YWHAE: variants seen among roughly 807,000 people sequenced by gnomAD.
YWHAE encodes tyrosine 3-monooxygenase/tryptophan 5-monooxygenase activation protein epsilon, also known as 14-3-3 protein epsilon.
YWHAE carries 4 observed loss-of-function variants against 30.1 expected under a neutral mutation model. That is an observed-to-expected ratio of 0.13 (90% CI 0.07 to 0.30). YWHAE has a LOEUF of 0.30. Ranked by LOEUF, YWHAE falls within the 10% of genes least tolerant of loss-of-function variation. The pLI is 1.00. For synonymous variants in YWHAE, 118 were observed against 111.8 expected (o/e 1.06, Z -0.35); for missense variants, 121 against 315.9 (o/e 0.38, Z 4.68).
At position 1,344,315 on chromosome 17, in the gene YWHAE, T is replaced by C. The variant is rs1250766298; in HGVS notation, c.*1132A>G. 6.2e-6 allele frequency: 1 copy of C among 162,110 alleles called. No homozygotes were observed. Among genetic ancestry groups the C allele is most frequent in the South Asian group, 2.0e-4 (1 of 4,904 alleles). The allele number at this position is 162,110 out of a possible 1,614,324, so 10.0% of individuals were successfully genotyped here. A position where few individuals can be genotyped will look rare whatever the true frequency, so the allele number is the denominator to read the frequency against. Reference sequence around the variant, plus strand: ...ACTTTAATGATTAAAATAAATACCATGTTGCTGCCTGGTCTGGAGGACAAG... The same window carrying C: ...ACTTTAATGATTAAAATAAATACCACGTTGCTGCCTGGTCTGGAGGACAAG... On this transcript the variant is annotated 3_prime_UTR_variant, in exon 6 of 6. Transcript: ENST00000264335.
At position 1,345,206 on chromosome 17, in the gene YWHAE, T is replaced by TA. The variant is rs1411242276; in HGVS notation, c.*240dup. The TA allele has an allele frequency of 5.4e-6, 3 of 560,168 alleles. No homozygotes were observed. The Admixed American group carries it at 1.0e-4, about 19-fold the overall frequency. 34.7% of individuals were successfully genotyped at this position (560,168 alleles called of 1,614,324 possible). A position where few individuals can be genotyped will look rare whatever the true frequency, so the allele number is the denominator to read the frequency against. On this transcript the variant is annotated 3_prime_UTR_variant, in exon 6 of 6. Coordinates refer to ENST00000264335, the MANE Select transcript of YWHAE (RefSeq NM_006761.5). ...TGAAAAAGCCTCTATGTAGTCCTGT[T>TA]AGTGTCTTAAAGAACCTAAAAGCTG... is the stretch of plus-strand genomic sequence containing the variant.
At chr17:1,386,154 AGAT>A (rs1170213647) in intron 1 of YWHAE, among the ~76,000 whole-genome samples, 3 of 152,212 alleles carry the variant, frequency 2.0e-5, no homozygotes, top group African/African-American at 7.2e-5. Context: ...AATAAACAGT[AGAT>A]GATATTATTA....
chr17:1,366,526 C>T (rs1459419662), intron 1 of YWHAE, among the ~76,000 whole-genome samples: 1 of 152,010 alleles, frequency 6.6e-6, no homozygotes, highest in African/African-American at 2.4e-5. Context: ...AGAGCAGACT[C>T]CATCTCAAAA....
In YWHAE at chr17:1,345,531, G is replaced by C. The variant is rs372484695; in HGVS notation, c.716-32C>G. 4.4e-6 allele frequency: 7 copies of C among 1,605,254 alleles called. No homozygotes were observed. In the African/African-American group the frequency reaches 9.4e-5, roughly 21 times the overall value. On this transcript the variant is annotated intron_variant, in intron 5 of 5. Transcript: ENST00000264335. ...AAAAAGAAAAAAAGTCAATTATTTC[G>C]TATTGACTACATTAGGCTATGGCAG...
Position 1,365,089 on chromosome 17 carries a change from C to A in YWHAE, c.65-31G>T, listed in dbSNP as rs370374357. 6 of 1,598,168 alleles carry A rather than the reference C, an allele frequency of 3.8e-6. No homozygotes were observed. The African/African-American group carries it at 6.8e-5, about 18-fold the overall frequency. On this transcript the variant is annotated intron_variant, in intron 1 of 5. Coordinates refer to ENST00000264335, the MANE Select transcript of YWHAE (RefSeq NM_006761.5). The stretch of plus-strand genomic sequence containing the variant: ...TGGGAAAAGGAAAAGTCAGACCTTA[C>A]AAATTTGAAGTTTTCTTAACATATT...
At chr17:1,393,299 T>G (rs2073416642) in intron 1 of YWHAE, among the ~76,000 whole-genome samples, 2 of 150,226 alleles carry the variant, frequency 1.3e-5, no homozygotes, top group Non-Finnish European at 1.5e-5. Context: ...ACAGCCTGGG[T>G]GACCAAGTGA....
chr17:1,361,073 G>A lies in YWHAE; in HGVS notation c.578+19C>T. 6.2e-7 allele frequency: 1 copy of A among 1,610,948 alleles called. No individual in the cohort carries two copies. Among genetic ancestry groups the A allele is most frequent in the Non-Finnish European group, 8.5e-7 (1 of 1,177,154 alleles). ...CTTAACTTTCACGCTGAGCGCTGCT[G>A]TTCTTCCCCACAACTTACCTGCAGG... On this transcript the variant is annotated intron_variant, in intron 4 of 5. Coordinates refer to ENST00000264335, the MANE Select transcript of YWHAE (RefSeq NM_006761.5).
intron 5 of YWHAE, among the ~76,000 whole-genome samples, chr17:1,348,311 T>C (rs1350210016): frequency 6.6e-6 from 1 of 152,182 alleles, no homozygotes; most frequent in Non-Finnish European, 1.5e-5. Context: ...AACATGTATT[T>C]CCTACCTATG....
intron 1 of YWHAE, among the ~76,000 whole-genome samples, chr17:1,387,060 CAAG>C (rs1212628295): frequency 6.6e-6 from 1 of 152,006 alleles, no homozygotes; most frequent in Non-Finnish European, 1.5e-5. Flanking sequence ...GAAACAAAAA[CAAG>C]ACAATCTTTT....
chr17:1,392,677 C>CT (rs1235118225), intron 1 of YWHAE, among the ~76,000 whole-genome samples: 1 of 151,924 alleles, frequency 6.6e-6, no homozygotes, highest in African/African-American at 2.4e-5. Context: ...TGGTGAAACT[C>CT]TGTCTCTACT....
intron 5 of YWHAE, among the ~76,000 whole-genome samples, chr17:1,351,358 A>G (rs2072628414): frequency 6.6e-6 from 1 of 151,814 alleles, no homozygotes; most frequent in East Asian, 1.9e-4. Flanking sequence ...AGCCTGGGTA[A>G]CAAGAGCAAA....
At chr17:1,361,864 T>A (rs2072869787) in intron 3 of YWHAE, 38 bp downstream of exon 3, 1 of 1,438,166 alleles carries the variant, frequency 7.0e-7, no homozygotes, top group African/African-American at 1.4e-5. Flanking sequence ...AAGGACCAAC[T>A]TTCAATCTTA....
intron 1 of YWHAE, among the ~76,000 whole-genome samples, chr17:1,394,896 G>C (rs972175466): frequency 6.6e-6 from 1 of 151,698 alleles, no homozygotes; most frequent in African/African-American, 2.4e-5. Context: ...GAACCCAGGG[G>C]GCAGAGGCTG....
At position 1,363,620 on chromosome 17, in the gene YWHAE, T is replaced by G. The variant is rs551689539; in HGVS notation, c.264+1239A>C. ...TATGTCAAACACCCAAAACCCTGGT[T>G]TGTGCATTCATAGTTGGGATAATAC... On this transcript the variant is annotated intron_variant, in intron 2 of 5. Transcript: ENST00000264335. Among the ~76,000 whole-genome samples the G allele has an allele frequency of 6.6e-5, 10 of 152,312 alleles. No individual in the cohort carries two copies. In the South Asian group the frequency reaches 2.1e-3, roughly 32 times the overall value.
chr17:1,397,145 C>T (rs527335592), intron 1 of YWHAE, among the ~76,000 whole-genome samples: 3 of 152,236 alleles, frequency 2.0e-5, no homozygotes, highest in East Asian at 1.9e-4. Flanking sequence ...GTGATCCACC[C>T]GCCTCGACCT....
intron 1 of YWHAE, among the ~76,000 whole-genome samples, chr17:1,384,701 A>C (rs2073273467): frequency 6.6e-6 from 1 of 151,732 alleles, no homozygotes; most frequent in African/African-American, 2.4e-5. Context: ...TGCTGGGATT[A>C]AAGGAGTGAG....
At chr17:1,361,050 T>TA (rs748292930) in intron 4 of YWHAE, 42 bp downstream of exon 4, 16 of 1,584,392 alleles carry the variant, frequency 1.0e-5, no homozygotes, top group Non-Finnish European at 1.4e-5. Context: ...GCGCCCCCCT[T>TA]AACTTTCACG....
chr17:1,394,243 A>C (rs1235029327), intron 1 of YWHAE, among the ~76,000 whole-genome samples: 1 of 152,054 alleles, frequency 6.6e-6, no homozygotes, highest in African/African-American at 2.4e-5. Flanking sequence ...TACCTGCTTC[A>C]ATCTTGTTAC....
intron 1 of YWHAE, among the ~76,000 whole-genome samples, chr17:1,386,126 C>G (rs200229040): frequency 6.6e-6 from 1 of 152,022 alleles, no homozygotes; most frequent in East Asian, 1.9e-4. Context: ...GTTTGGATAA[C>G]AAGTGAAAGA....
Sources: allele counts gnomAD v4.1 joint callset (sites outside exome capture counted in the v4.1 genomes callset), GRCh38; gene constraint gnomAD v4.1.1; transcripts MANE v1.5; gene names NCBI Gene and HGNC (gene_info 2026-07-23, HGNC 2026-07-21).